The following ARHGEF12 variants were observed in gnomAD, a reference collection of about 807,000 sequenced individuals.
The protein encoded by ARHGEF12 is KMT2A/ARHGEF12 fusion protein.
A neutral mutation model predicts 211.2 loss-of-function variants in ARHGEF12; 66 were observed. That is an observed-to-expected ratio of 0.31 (90% CI 0.26 to 0.38). ARHGEF12 has a LOEUF of 0.38. Ranked by LOEUF, ARHGEF12 falls within the 10% of genes least tolerant of loss-of-function variation. The pLI is 1.00. For missense variants in ARHGEF12, 1,429 were observed against 1,869.5 expected (o/e 0.76, Z 4.34); for synonymous variants, 592 against 638.4 (o/e 0.93, Z 1.09).
At chr11:120,337,916 C>T in intron 1 of ARHGEF12, 2 of 984,904 alleles carry the variant, frequency 2.0e-6, no homozygotes, top group African/African-American at 1.7e-5. Context: ...AATATTTCGT[C>T]TTCCAGAAAC....
At chr11:120,372,423 T>G (rs1450044506) in intron 1 of ARHGEF12, among the ~76,000 whole-genome samples, 1 of 152,180 alleles carries the variant, frequency 6.6e-6, no homozygotes, top group African/African-American at 2.4e-5. Context: ...TAGTTATTTG[T>G]GCTTCACTAT....
chr11:120,444,093 A>T lies in ARHGEF12; in HGVS notation c.1303-1329A>T, dbSNP rs184936427. ...CCAGATATTTTTATTCTGTTTGTTC[A>T]CTGCTGTGTCCCTAACACTGAACAG... On this transcript the variant is annotated intron_variant, in intron 15 of 40. Transcript: ENST00000397843. 9.2e-5 allele frequency among the ~76,000 whole-genome samples: 14 copies of T among 152,262 alleles called. No homozygotes were observed. The East Asian group carries it at 2.5e-3, about 27-fold the overall frequency.
Position 120,486,214 on chromosome 11 carries a change from GT to G in ARHGEF12, c.*1140del, listed in dbSNP as rs1947393225. ...GCCAGTAAAATTTTAGTACCTGGAG[GT>G]TTGACTCTAATTTTTGCACTGATGG... On this transcript the variant is annotated 3_prime_UTR_variant, in exon 41 of 41. Coordinates refer to ENST00000397843, the MANE Select transcript of ARHGEF12 (RefSeq NM_015313.3). 2 of 233,326 alleles carry G rather than the reference GT, an allele frequency of 8.6e-6. No homozygotes were observed. 14.5% of individuals were successfully genotyped at this position (233,326 alleles called of 1,614,324 possible). A position where few individuals can be genotyped will look rare whatever the true frequency, so the allele number is the denominator to read the frequency against.
intron 1 of ARHGEF12, among the ~76,000 whole-genome samples, chr11:120,344,922 C>T (rs936472901): frequency 2.0e-5 from 3 of 152,214 alleles, no homozygotes; most frequent in African/African-American, 7.2e-5. Context: ...GTTGTTTTAT[C>T]ACCACAAGAG....
intron 19 of ARHGEF12, 27 bp from the exon 20 acceptor site, chr11:120,448,207 T>G (rs775285902): frequency 2.0e-6 from 3 of 1,537,734 alleles, no homozygotes; most frequent in African/African-American, 2.7e-5. Context: ...TCAGAAGTCT[T>G]AATTTACTTC....
chr11:120,468,429 G>C (rs72994802), intron 29 of ARHGEF12, among the ~76,000 whole-genome samples: 1 of 152,132 alleles, frequency 6.6e-6, no homozygotes, highest in African/African-American at 2.4e-5. Context: ...GCCTCAATAC[G>C]TTTTGTCTTG....
chr11:120,394,243 A>T (rs898246778), intron 1 of ARHGEF12, among the ~76,000 whole-genome samples: 2 of 151,594 alleles, frequency 1.3e-5, no homozygotes, highest in Non-Finnish European at 2.9e-5. Context: ...TTTTTAAGAC[A>T]GGGTCTTACT....
intron 26 of ARHGEF12, among the ~76,000 whole-genome samples, chr11:120,460,427 AC>A (rs1292669340): frequency 1.3e-5 from 2 of 152,200 alleles, no homozygotes; most frequent in Non-Finnish European, 2.9e-5. Flanking sequence ...ATTTGATGCA[AC>A]CACCGTGTAT....
intron 1 of ARHGEF12, among the ~76,000 whole-genome samples, chr11:120,369,650 A>G (rs147783411): frequency 4.2e-4 from 64 of 152,360 alleles, no homozygotes; most frequent in African/African-American, 1.5e-3. Context: ...TTTATTCTTT[A>G]AGCTAATTAA....
chr11:120,457,431 C>T (rs1946396486), intron 23 of ARHGEF12, 181 bp downstream of exon 23: 1 of 606,196 alleles, frequency 1.6e-6, no homozygotes, highest in Non-Finnish European at 2.5e-6. Flanking sequence ...GAGTTTGAGA[C>T]CAGCCTGGGC....
chr11:120,413,603 A>G (rs1407710172), intron 4 of ARHGEF12, among the ~76,000 whole-genome samples: 1 of 152,240 alleles, frequency 6.6e-6, no homozygotes, highest in Non-Finnish European at 1.5e-5. Flanking sequence ...GAATGAAATC[A>G]GCATACTTGG....
At chr11:120,363,636 A>G (rs539360499) in intron 1 of ARHGEF12, among the ~76,000 whole-genome samples, 32 of 152,312 alleles carry the variant, frequency 2.1e-4, no homozygotes, top group Admixed American at 2.1e-3. Flanking sequence ...TTAAGTATGG[A>G]AAACAATTGC....
chr11:120,435,512 C>CTTTTTTT lies in ARHGEF12; in HGVS notation c.925-1782_925-1776dup, dbSNP rs61516865. Among the ~76,000 whole-genome samples, 6 of 106,254 alleles carry CTTTTTTT rather than the reference C, an allele frequency of 5.6e-5. 1 individual carries two copies. The highest frequency in any genetic ancestry group is 1.1e-4 in the Non-Finnish European group (6 of 52,214). 69.7% of individuals were successfully genotyped at this position (106,254 alleles called of 152,430 possible). On this transcript the variant is annotated intron_variant, in intron 11 of 40. Transcript: ENST00000397843. Reference sequence around the variant, plus strand: ...CTTCATTATAACGTCCCCTGTCAAGCTTTTTTTTTTTTTTTTTTTTGAGAT... The same window carrying CTTTTTTT: ...CTTCATTATAACGTCCCCTGTCAAGCTTTTTTTTTTTTTTTTTTTTTTTTTTTGAGAT...
At chr11:120,427,566 G>C (rs1036145612) in intron 7 of ARHGEF12, among the ~76,000 whole-genome samples, 1 of 151,576 alleles carries the variant, frequency 6.6e-6, no homozygotes, top group African/African-American at 2.4e-5. Context: ...AGCTACTTGT[G>C]GGGGCTGAGG....
chr11:120,339,083 A>G (rs1330928083), intron 1 of ARHGEF12, among the ~76,000 whole-genome samples: 2 of 149,412 alleles, frequency 1.3e-5, no homozygotes, highest in African/African-American at 2.5e-5. Flanking sequence ...TTAATCTGCA[A>G]ATTGGTTTGG....
chr11:120,446,826 A>G (rs1946061528), intron 17 of ARHGEF12, 122 bp from the exon 18 acceptor site: 1 of 1,232,160 alleles, frequency 8.1e-7, no homozygotes, highest in African/African-American at 1.5e-5. Flanking sequence ...TGGACCCATA[A>G]GTGGAAAAGT....
intron 26 of ARHGEF12, among the ~76,000 whole-genome samples, 179 bp downstream of exon 26, chr11:120,459,499 A>G (rs1358962194): frequency 1.3e-5 from 2 of 152,220 alleles, no homozygotes; most frequent in Admixed American, 6.5e-5. Flanking sequence ...TCAATCTTTC[A>G]TGTACAATGT....
chr11:120,374,431 G>T (rs1465917892), intron 1 of ARHGEF12, among the ~76,000 whole-genome samples: 6 of 152,236 alleles, frequency 3.9e-5, no homozygotes, highest in East Asian at 1.9e-4. Context: ...ATACAGTTGG[G>T]TTACTGTTTG....
intron 4 of ARHGEF12, among the ~76,000 whole-genome samples, chr11:120,412,184 G>T (rs1034398705): frequency 6.6e-6 from 1 of 152,136 alleles, no homozygotes; most frequent in Non-Finnish European, 1.5e-5. Flanking sequence ...TAATACTTTT[G>T]TGGGTTACTG....
Sources: allele counts gnomAD v4.1 joint callset (sites outside exome capture counted in the v4.1 genomes callset), GRCh38; gene constraint gnomAD v4.1.1; transcripts MANE v1.5; gene names NCBI Gene and HGNC (gene_info 2026-07-23, HGNC 2026-07-21).